The following ZBTB44 variants were observed in gnomAD, a reference collection of about 807,000 sequenced individuals.
ZBTB44 encodes the protein zinc finger and BTB domain containing 44, also known as zinc finger and BTB domain-containing protein 44.
Under a neutral mutation model 54.0 loss-of-function variants are expected in ZBTB44, and 15 were observed. The observed-to-expected ratio is 0.28, with a 90% CI of 0.19 to 0.43. The LOEUF (loss-of-function observed/expected upper bound fraction) is 0.43. ZBTB44 is among the 20% of genes least tolerant of loss of function. The pLI, the probability that ZBTB44 is intolerant of heterozygous loss-of-function variation, is 1.00. For missense variants in ZBTB44, 487 were observed against 707.1 expected (o/e 0.69, Z 3.53); for synonymous variants, 230 against 250.1 (o/e 0.92, Z 0.76).
At chr11:130,296,153 GAA>G (rs1203715525) in intron 1 of ZBTB44, 1 of 1,426,908 alleles carries the variant, frequency 7.0e-7, no homozygotes, top group Non-Finnish European at 9.8e-7. Flanking sequence ...ACCCAAACTC[GAA>G]AAGTTTTGAA....
chr11:130,297,451 T>C (rs1338945778), intron 1 of ZBTB44, among the ~76,000 whole-genome samples: 1 of 152,250 alleles, frequency 6.6e-6, no homozygotes, highest in Non-Finnish European at 1.5e-5. Flanking sequence ...GTTAACTTTA[T>C]ATATGTCTTG....
chr11:130,239,500 T>C (rs779551069), intron 3 of ZBTB44: 5 of 260,456 alleles, frequency 1.9e-5, no homozygotes, highest in African/African-American at 4.5e-5. Context: ...ATGAGCCTGG[T>C]TGTGTTCCAG....
At chr11:130,266,387 T>C (rs1443065120) in intron 1 of ZBTB44, among the ~76,000 whole-genome samples, 17 of 152,238 alleles carry the variant, frequency 1.1e-4, no homozygotes, top group Admixed American at 1.1e-3. Flanking sequence ...ATGACTGATG[T>C]TGTTTTCATG....
intron 1 of ZBTB44, among the ~76,000 whole-genome samples, chr11:130,299,807 T>C (rs559043118): frequency 6.6e-6 from 1 of 152,200 alleles, no homozygotes; most frequent in African/African-American, 2.4e-5. Context: ...ATTCCATTTC[T>C]GGGTAGATAC....
At chr11:130,248,108 AAAGAC>A (rs939619528) in intron 2 of ZBTB44, among the ~76,000 whole-genome samples, 17 of 152,364 alleles carry the variant, frequency 1.1e-4, no homozygotes, top group African/African-American at 4.1e-4. Context: ...CTATCCCTAG[AAAGAC>A]AAGATACCTC....
intron 6 of ZBTB44, chr11:130,233,801 CA>C (rs1953987350): frequency 2.6e-6 from 3 of 1,171,882 alleles, no homozygotes; most frequent in Non-Finnish European, 3.2e-6. Flanking sequence ...TGTGTACTTA[CA>C]GAAGCAATCT....
intron 1 of ZBTB44, among the ~76,000 whole-genome samples, chr11:130,291,375 GA>G (rs1941294801): frequency 6.6e-6 from 1 of 152,164 alleles, no homozygotes. Flanking sequence ...CTGACCTTGG[GA>G]TCCGCCCACC....
At chr11:130,297,766 C>A (rs1262212802) in intron 1 of ZBTB44, among the ~76,000 whole-genome samples, 2 of 152,176 alleles carry the variant, frequency 1.3e-5, no homozygotes, top group African/African-American at 4.8e-5. Context: ...GGCTCCACAA[C>A]TATGAGACAA....
In ZBTB44 at chr11:130,295,887, T is replaced by C. The variant is rs753380683; in HGVS notation, c.-57+18488A>G. Reference sequence around the variant, plus strand: ...AGGAGCTAAAGACTCACCACGTGCATACCTATGGGTTGATAATGGGTGGCA... The same window carrying C: ...AGGAGCTAAAGACTCACCACGTGCACACCTATGGGTTGATAATGGGTGGCA... On this transcript the variant is annotated intron_variant, in intron 1 of 7. Transcript: ENST00000357899. 4.8e-6 allele frequency: 7 copies of C among 1,465,966 alleles called. No individual in the cohort carries two copies. In the Admixed American group the frequency reaches 6.7e-5, roughly 14 times the overall value. The allele number at this position is 1,465,966 out of a possible 1,614,324, so 90.8% of individuals were successfully genotyped here. A position where few individuals can be genotyped will look rare whatever the true frequency, so the allele number is the denominator to read the frequency against.
intron 1 of ZBTB44, among the ~76,000 whole-genome samples, chr11:130,282,280 T>C (rs1023741749): frequency 2.6e-5 from 4 of 152,208 alleles, no homozygotes; most frequent in Admixed American, 1.3e-4. Flanking sequence ...TGAAACACAG[T>C]ACTCATTAAA....
rs934255635 is a variant in ZBTB44, at chr11:130,247,997, G to C, written c.1019-8101C>G. ...TTTCCATGGGCAAGTGGAAACAAAA[G>C]GAACTTAAAACAGCAGGTAAAATCC... On this transcript the variant is annotated intron_variant, in intron 2 of 7. Transcript: ENST00000357899. Among the ~76,000 whole-genome samples, 10 of 152,234 alleles carry C rather than the reference G, an allele frequency of 6.6e-5. No individual in the cohort carries two copies. The South Asian group carries it at 2.1e-3, about 32-fold the overall frequency.
intron 1 of ZBTB44, among the ~76,000 whole-genome samples, chr11:130,281,515 C>A (rs1940500465): frequency 8.3e-6 from 1 of 119,920 alleles, no homozygotes; most frequent in African/African-American, 3.4e-5. Flanking sequence ...GACCCTGTCT[C>A]AAAATAAATA....
chr11:130,297,566 A>C (rs1005154544), intron 1 of ZBTB44, among the ~76,000 whole-genome samples: 2 of 152,208 alleles, frequency 1.3e-5, no homozygotes, highest in Admixed American at 1.3e-4. Flanking sequence ...AGAGGTAATC[A>C]AGTTCAAGGG....
At chr11:130,311,521 G>T (rs902281362) in intron 1 of ZBTB44, among the ~76,000 whole-genome samples, 6 of 152,048 alleles carry the variant, frequency 3.9e-5, no homozygotes, top group African/African-American at 1.4e-4. Context: ...TTTATTAACT[G>T]TATTAAAAAC....
At chr11:130,302,347 T>C (rs1230032588) in intron 1 of ZBTB44, among the ~76,000 whole-genome samples, 2 of 151,898 alleles carry the variant, frequency 1.3e-5, no homozygotes, top group Non-Finnish European at 2.9e-5. Flanking sequence ...TGAAGTTAGG[T>C]AAAACTAGTG....
intron 1 of ZBTB44, among the ~76,000 whole-genome samples, chr11:130,275,528 G>A (rs1565669758): frequency 6.6e-6 from 1 of 151,972 alleles, no homozygotes; most frequent in East Asian, 1.9e-4. Flanking sequence ...TTGATCTGTT[G>A]GTTATTTAGG....
intron 1 of ZBTB44, among the ~76,000 whole-genome samples, chr11:130,287,965 C>CAAA (rs535420591): frequency 4.6e-5 from 4 of 86,460 alleles, no homozygotes; most frequent in African/African-American, 1.5e-4. Flanking sequence ...TTTTCTCAGA[C>CAAA]AAAAAAAAAA....
chr11:130,239,700 T>C (rs1954267213), intron 3 of ZBTB44, 112 bp downstream of exon 3: 2 of 801,416 alleles, frequency 2.5e-6, no homozygotes, highest in African/African-American at 1.7e-5. Flanking sequence ...CTTTGAAAAG[T>C]ATACTGAAGT....
rs1953806747 is a variant in ZBTB44, at chr11:130,229,770, C to T, written c.*1994G>A. 6.6e-6 allele frequency: 1 copy of T among 152,114 alleles called. No individual in the cohort carries two copies. Among genetic ancestry groups the T allele is most frequent in the Non-Finnish European group, 1.5e-5 (1 of 68,004 alleles). The allele number at this position is 152,114 out of a possible 1,614,324, so 9.4% of individuals were successfully genotyped here. ...TAACTTTCAAAATCTAAATATATTA[C>T]AAATAAAGCATCTTACGTCAATAAC... is the stretch of plus-strand genomic sequence containing the variant. On this transcript the variant is annotated 3_prime_UTR_variant, in exon 8 of 8. Coordinates refer to ENST00000357899, the MANE Select transcript of ZBTB44 (RefSeq NM_001301098.2).
Sources: gnomAD v4.1 joint callset for allele counts (sites outside exome capture counted in the v4.1 genomes callset) on GRCh38, gnomAD v4.1.1 for gene constraint, MANE v1.5 for transcripts, NCBI Gene and HGNC (gene_info 2026-07-23, HGNC 2026-07-21) for gene names.